The following PACRG variants were observed in gnomAD, a reference collection of about 807,000 sequenced individuals.
PACRG encodes the protein parkin coregulated, also known as parkin coregulated gene protein.
A neutral mutation model predicts 29.7 loss-of-function variants in PACRG; 29 were observed. That is an observed-to-expected ratio of 0.98 (90% CI 0.73 to 1.33). The LOEUF (loss-of-function observed/expected upper bound fraction) is 1.33, where lower values mean the gene tolerates loss of function less well. Ranked by LOEUF, PACRG falls within the 40% of genes most tolerant of loss-of-function variation. The probability of loss-of-function intolerance (pLI) is 0.00; values close to 1 mark genes in which losing one functional copy is unlikely to be tolerated. For synonymous variants in PACRG, 116 were observed against 118.7 expected (o/e 0.98, Z 0.15); for missense variants, 279 against 316.2 (o/e 0.88, Z 0.89).
At chr6:163,085,016 C>T (rs535039948) in intron 3 of PACRG, among the ~76,000 whole-genome samples, 78 of 151,986 alleles carry the variant, frequency 5.1e-4, no homozygotes, top group South Asian at 6.2e-4. Flanking sequence ...CACTGGGATA[C>T]GCCAGCATCC....
chr6:162,897,752 G>A (rs1795272850), intron 2 of PACRG, among the ~76,000 whole-genome samples: 1 of 152,212 alleles, frequency 6.6e-6, no homozygotes, highest in Admixed American at 6.5e-5. Flanking sequence ...CACCAGTGCT[G>A]TATTAGTGAG....
At position 162,995,091 on chromosome 6, in the gene PACRG, C is replaced by T. The variant is rs1413156910; in HGVS notation, c.292-67059C>T. On this transcript the variant is annotated intron_variant, in intron 2 of 4. Transcript: ENST00000366888. ...CAGGGACCCACTTGAGGAGGCAGTC[C>T]GCCCGTTCTCAGATCTCCAGCTGCG... Among the ~76,000 whole-genome samples, 528 of 150,280 alleles carry T rather than the reference C, an allele frequency of 3.5e-3. 2 individuals are homozygous for T. Among genetic ancestry groups the T allele is most frequent in the African/African-American group, 4.3e-3 (173 of 40,142 alleles).
At chr6:163,210,267 T>C (rs991728954) in intron 4 of PACRG, among the ~76,000 whole-genome samples, 3 of 152,232 alleles carry the variant, frequency 2.0e-5, no homozygotes, top group Non-Finnish European at 4.4e-5. Flanking sequence ...TCTAAAGCAT[T>C]TATAGAACTA....
chr6:163,293,357 G>A (rs1360241697), intron 4 of PACRG, among the ~76,000 whole-genome samples: 2 of 152,210 alleles, frequency 1.3e-5, no homozygotes, highest in Non-Finnish European at 2.9e-5. Context: ...ACATCCAGAG[G>A]CCCAAAGCCA....
At chr6:162,983,777 G>A (rs1802635190) in intron 2 of PACRG, among the ~76,000 whole-genome samples, 1 of 151,938 alleles carries the variant, frequency 6.6e-6, no homozygotes, top group African/African-American at 2.4e-5. Context: ...CCTGATGACT[G>A]TGTACCTAGG....
chr6:162,950,164 A>T (rs1372808168), intron 2 of PACRG, among the ~76,000 whole-genome samples: 1 of 152,008 alleles, frequency 6.6e-6, no homozygotes, highest in Non-Finnish European at 1.5e-5. Context: ...TTTGATTTTT[A>T]TGTATTAACT....
At chr6:163,045,296 C>T (rs1054370689) in intron 2 of PACRG, among the ~76,000 whole-genome samples, 23 of 152,074 alleles carry the variant, frequency 1.5e-4, no homozygotes, top group Non-Finnish European at 2.8e-4. Context: ...ACAACCACAC[C>T]CACCTCACAG....
At chr6:163,211,566 C>A (rs1189325594) in intron 4 of PACRG, among the ~76,000 whole-genome samples, 3 of 151,906 alleles carry the variant, frequency 2.0e-5, no homozygotes, top group South Asian at 4.2e-4. Flanking sequence ...TTTACAGAAG[C>A]CTTTGGACAA....
rs929645700 is a variant in PACRG at position 162,793,864 on chromosome 6, A to G, written c.157-20283A>G. Among the ~76,000 whole-genome samples, 25 of 152,202 alleles carry G rather than the reference A, an allele frequency of 1.6e-4. 1 individual carries two copies. Among genetic ancestry groups the G allele is most frequent in the Admixed American group, 1.4e-3 (21 of 15,276 alleles). ...TTGTGTTCTGACTCTGAGGAGGGAA[A>G]GGATCAGGAAAAATAACTAATGGAT... On this transcript the variant is annotated intron_variant, in intron 1 of 4. Transcript: ENST00000366888.
chr6:163,210,745 A>G (rs1401473858), intron 4 of PACRG, among the ~76,000 whole-genome samples: 2 of 152,212 alleles, frequency 1.3e-5, no homozygotes, highest in African/African-American at 2.4e-5. Flanking sequence ...GAAGGGCATA[A>G]CCTTGAATAT....
chr6:162,782,064 T>C (rs1187653502), intron 1 of PACRG, among the ~76,000 whole-genome samples: 1 of 151,722 alleles, frequency 6.6e-6, no homozygotes, highest in Non-Finnish European at 1.5e-5. Context: ...AAAATTTACA[T>C]GGAAAAAGAT....
chr6:162,874,784 T>A (rs548175186), intron 2 of PACRG, among the ~76,000 whole-genome samples: 1 of 151,568 alleles, frequency 6.6e-6, no homozygotes, highest in Admixed American at 6.6e-5. Flanking sequence ...TCGCACACAC[T>A]TATTCCCACA....
In PACRG at chr6:163,250,429, AG is replaced by A. The variant is rs66528003; in HGVS notation, c.614-64396del. On this transcript the variant is annotated intron_variant, in intron 4 of 4. Transcript: ENST00000366888. ...TCCTCCACACTGCTTCTGCAGAATT[AG>A]GAGAAAGCATTGCATTTTACTATCT... Among the ~76,000 whole-genome samples the A allele has an allele frequency of 9.3e-3, 1,422 of 152,366 alleles. 31 individuals carry two copies. Among genetic ancestry groups the A allele is most frequent in the African/African-American group, 0.032 (1,350 of 41,594 alleles).
chr6:162,766,666 C>T (rs147650322), intron 1 of PACRG, among the ~76,000 whole-genome samples: 242 of 152,118 alleles, frequency 1.6e-3, no homozygotes, highest in African/African-American at 3.8e-3. Context: ...AATGGCTGTA[C>T]GAATTTTGAT....
At chr6:163,113,046 T>A (rs1815796154) in intron 4 of PACRG, among the ~76,000 whole-genome samples, 1 of 151,902 alleles carries the variant, frequency 6.6e-6, no homozygotes, top group South Asian at 2.1e-4. Flanking sequence ...AATAAAAAAA[T>A]TTAAAAAGTC....
At chr6:162,756,351 G>A (rs1362996074) in intron 1 of PACRG, among the ~76,000 whole-genome samples, 1 of 152,030 alleles carries the variant, frequency 6.6e-6, no homozygotes, top group Non-Finnish European at 1.5e-5. Flanking sequence ...ATTTATAATT[G>A]TTAGGTCTTC....
chr6:163,297,639 T>C (rs921469190), intron 4 of PACRG, among the ~76,000 whole-genome samples: 2 of 152,252 alleles, frequency 1.3e-5, no homozygotes, highest in Admixed American at 1.3e-4. Flanking sequence ...TTGCAATATA[T>C]CATGAATGTT....
At chr6:163,101,082 A>G in intron 4 of PACRG, 2 of 981,484 alleles carry the variant, frequency 2.0e-6, no homozygotes, top group South Asian at 9.4e-5. Flanking sequence ...TCATACAATG[A>G]AATTAAAAAT....
intron 1 of PACRG, among the ~76,000 whole-genome samples, chr6:162,784,838 G>A (rs7757146): frequency 6.6e-6 from 1 of 152,138 alleles, no homozygotes; most frequent in Non-Finnish European, 1.5e-5. Flanking sequence ...GGTGCTTTCA[G>A]CAAGACATTA....
Sources: allele counts gnomAD v4.1 joint callset (sites outside exome capture counted in the v4.1 genomes callset), GRCh38; gene constraint gnomAD v4.1.1; transcripts MANE v1.5; gene names NCBI Gene and HGNC (gene_info 2026-07-23, HGNC 2026-07-21).